FBXW7: variants seen among roughly 807,000 people sequenced by gnomAD.
FBXW7 encodes F-box and WD repeat domain containing 7, also known as F-box/WD repeat-containing protein 7.
FBXW7 carries 11 observed loss-of-function variants against 86.3 expected under a neutral mutation model. The observed-to-expected ratio is 0.13, with a 90% CI of 0.08 to 0.21. The LOEUF is 0.21. Among genes scored for constraint, FBXW7 ranks in the 10% least tolerant of loss-of-function variants. The pLI is 1.00. For synonymous variants in FBXW7, 313 were observed against 297.9 expected, an observed-to-expected ratio of 1.05 and a Z score of -0.52; for missense variants, 488 against 847.4, an observed-to-expected ratio of 0.58 and a Z score of 5.27.
At chr4:152,388,137 G>C (rs978137797) in intron 4 of FBXW7, among the ~76,000 whole-genome samples, 2 of 152,014 alleles carry the variant, frequency 1.3e-5, no homozygotes, top group African/African-American at 4.8e-5. Context: ...TGTTCTAAAA[G>C]ATATTTATTT....
intron 2 of FBXW7, chr4:152,451,643 G>C (rs552270465): frequency 6.6e-6 from 1 of 151,882 alleles, no homozygotes; most frequent in African/African-American, 2.4e-5. Context: ...AAATTACTGA[G>C]GCATGGTGGC....
chr4:152,374,029 A>G (rs937875487), intron 4 of FBXW7, among the ~76,000 whole-genome samples: 2 of 152,194 alleles, frequency 1.3e-5, no homozygotes, highest in Non-Finnish European at 2.9e-5. Flanking sequence ...GTAAGTAGTG[A>G]CCATAAAAAA....
At chr4:152,521,433 T>C (rs1321844261) in intron 2 of FBXW7, among the ~76,000 whole-genome samples, 1 of 152,002 alleles carries the variant, frequency 6.6e-6, no homozygotes, top group Non-Finnish European at 1.5e-5. Flanking sequence ...CACATACAAA[T>C]AGACATTAAA....
At chr4:152,360,102 C>T (rs77955098) in intron 4 of FBXW7, among the ~76,000 whole-genome samples, 2,127 of 152,296 alleles carry the variant, frequency 0.014, 26 homozygotes, top group Middle Eastern at 0.037. Flanking sequence ...TTTCTCCTAA[C>T]TGAAACATTT....
At chr4:152,499,885 A>G (rs1475544363) in intron 2 of FBXW7, among the ~76,000 whole-genome samples, 1 of 152,176 alleles carries the variant, frequency 6.6e-6, no homozygotes, top group Non-Finnish European at 1.5e-5. Context: ...TTTTAGACGT[A>G]GGGATCCATG....
intron 8 of FBXW7, among the ~76,000 whole-genome samples, chr4:152,331,334 G>C (rs1158588467): frequency 1.3e-5 from 2 of 151,898 alleles, no homozygotes; most frequent in Non-Finnish European, 2.9e-5. Flanking sequence ...GCAATCCAAG[G>C]GTCCATCGAA....
At chr4:152,447,281 T>C (rs1579225627) in intron 2 of FBXW7, among the ~76,000 whole-genome samples, 2 of 152,202 alleles carry the variant, frequency 1.3e-5, no homozygotes, top group East Asian at 3.8e-4. Context: ...AGAAATGGTG[T>C]CTCTATCATG....
Position 152,464,229 on chromosome 4 carries a change from A to G in FBXW7, c.-119-51700T>C, listed in dbSNP as rs534079549. Among the ~76,000 whole-genome samples, 3 of 152,346 alleles carry G rather than the reference A, an allele frequency of 2.0e-5. No individual in the cohort carries two copies. In the South Asian group the frequency reaches 6.2e-4, roughly 32 times the overall value. The stretch of plus-strand genomic sequence containing the variant: ...AAATTGGAGACACCTAGAATGGACT[A>G]TAACAACCTTGGAGATAATGGGAAG... On this transcript the variant is annotated intron_variant, in intron 2 of 13. Transcript: ENST00000281708.
intron 2 of FBXW7, chr4:152,489,563 T>C (rs533668394): frequency 1.3e-5 from 2 of 152,594 alleles, no homozygotes; most frequent in East Asian, 3.9e-4. Flanking sequence ...TTGGTTCTAA[T>C]ATTAGTCAAC....
At chr4:152,500,761 CCCCATATACAGAA>C (rs1746869422) in intron 2 of FBXW7, among the ~76,000 whole-genome samples, 1 of 152,082 alleles carries the variant, frequency 6.6e-6, no homozygotes, top group Non-Finnish European at 1.5e-5. Context: ...GTCCGCAATT[CCCCATATACAGAA>C]ATGTATTCAA....
chr4:152,363,898 C>CA (rs1733213725), intron 4 of FBXW7, among the ~76,000 whole-genome samples: 1 of 151,734 alleles, frequency 6.6e-6, no homozygotes, highest in Admixed American at 6.6e-5. Flanking sequence ...CTTCAGTTTA[C>CA]AAAAAAATAA....
rs1267037048 is a variant in FBXW7 at position 152,320,994 on chromosome 4, C to G, written c.*1887G>C. 1 of 163,074 alleles carries G rather than the reference C, an allele frequency of 6.1e-6. No individual in the cohort carries two copies. Among genetic ancestry groups the G allele is most frequent in the Non-Finnish European group, 1.3e-5 (1 of 74,418 alleles). 10.1% of individuals were successfully genotyped at this position (163,074 alleles called of 1,614,324 possible). A position where few individuals can be genotyped will look rare whatever the true frequency, so the allele number is the denominator to read the frequency against. On this transcript the variant is annotated 3_prime_UTR_variant, in exon 14 of 14. Transcript: ENST00000281708. ...AGTTTTGTGGATTCTTTGAGGGAAC[C>G]AGATTTCATATTTATACACCCCAAT...
Position 152,467,014 on chromosome 4 carries a change from G to A in FBXW7, c.-119-54485C>T, listed in dbSNP as rs530297448. Among the ~76,000 whole-genome samples the A allele has an allele frequency of 3.6e-4, 55 of 152,248 alleles. 3 individuals are homozygous for A. The South Asian group carries it at 0.011, about 32-fold the overall frequency. On this transcript the variant is annotated intron_variant, in intron 2 of 13. Coordinates refer to ENST00000281708, the MANE Select transcript of FBXW7 (RefSeq NM_001349798.2). The stretch of plus-strand genomic sequence containing the variant: ...ATCAAAATCTATTCCTTCTTCACAA[G>A]AAAGATAAGAACCTGATAATCCTTA...
intron 4 of FBXW7, among the ~76,000 whole-genome samples, chr4:152,384,257 A>G (rs1331030050): frequency 6.6e-6 from 1 of 152,134 alleles, no homozygotes; most frequent in African/African-American, 2.4e-5. Flanking sequence ...CTTATTAACA[A>G]TAGCCAAAAG....
intron 2 of FBXW7, among the ~76,000 whole-genome samples, chr4:152,427,653 T>C (rs193245900): frequency 2.6e-4 from 39 of 152,296 alleles, no homozygotes; most frequent in Admixed American, 1.6e-3. Context: ...AGAAGAGCAG[T>C]TTCCACACCT....
chr4:152,461,354 G>A (rs1304806748), intron 2 of FBXW7, among the ~76,000 whole-genome samples: 2 of 151,974 alleles, frequency 1.3e-5, no homozygotes, highest in Non-Finnish European at 2.9e-5. Flanking sequence ...CTGTTTCTCT[G>A]TTTTGATCTC....
At chr4:152,326,703 T>G (rs1461779101) in intron 11 of FBXW7, among the ~76,000 whole-genome samples, 1 of 152,108 alleles carries the variant, frequency 6.6e-6, no homozygotes, top group Non-Finnish European at 1.5e-5. Context: ...AAAATTTCAA[T>G]TATGAATGCA....
chr4:152,464,141 A>G lies in FBXW7; in HGVS notation c.-119-51612T>C, dbSNP rs934336020. Among the ~76,000 whole-genome samples the G allele has an allele frequency of 2.0e-5, 3 of 152,244 alleles. No homozygotes were observed. In the East Asian group the frequency reaches 5.8e-4, roughly 29 times the overall value. On this transcript the variant is annotated intron_variant, in intron 2 of 13. Transcript: ENST00000281708. Reference sequence around the variant, plus strand: ...TAAGAAATGTGTTTACTTACACTTAAGAAAGCTGAACACTAGTAGAAATAA... The same window carrying G: ...TAAGAAATGTGTTTACTTACACTTAGGAAAGCTGAACACTAGTAGAAATAA...
chr4:152,443,156 G>C (rs1253084927), intron 2 of FBXW7, among the ~76,000 whole-genome samples: 1 of 152,122 alleles, frequency 6.6e-6, no homozygotes, highest in Non-Finnish European at 1.5e-5. Context: ...CAGCTACTCG[G>C]GAGGCAGAGG....
Sources: allele counts gnomAD v4.1 joint callset (sites outside exome capture counted in the v4.1 genomes callset), GRCh38; gene constraint gnomAD v4.1.1; transcripts MANE v1.5; gene names NCBI Gene and HGNC (gene_info 2026-07-23, HGNC 2026-07-21).